Variants in BPIFC observed in about 807,000 individuals in gnomAD.
BPIFC encodes the protein BPI fold-containing family C protein.
A neutral mutation model predicts 57.6 loss-of-function variants in BPIFC; 60 were observed. The observed-to-expected ratio is 1.04, with a 90% CI of 0.85 to 1.29. The LOEUF (loss-of-function observed/expected upper bound fraction) is 1.29, where lower values mean the gene tolerates loss of function less well. Among genes scored for constraint, BPIFC ranks in the 50% most tolerant of loss-of-function variants. BPIFC has a pLI of 0.00. For missense variants in BPIFC, 581 were observed against 600.5 expected, an observed-to-expected ratio of 0.97 and a Z score of 0.34; for synonymous variants, 243 against 224.5, an observed-to-expected ratio of 1.08 and a Z score of -0.74.
At chr22:32,417,231 A>G (rs929114230) in intron 14 of BPIFC, 83 bp from the exon 15 acceptor site, 5 of 988,168 alleles carry the variant, frequency 5.1e-6, no homozygotes, top group Middle Eastern at 2.8e-4. Flanking sequence ...GCTGGAGTGC[A>G]GTAGTGTGAT....
chr22:32,452,254 A>G (rs2145960594), intron 4 of BPIFC, among the ~76,000 whole-genome samples: 1 of 152,274 alleles, frequency 6.6e-6, no homozygotes, highest in East Asian at 1.9e-4. Flanking sequence ...TGCTCAATAA[A>G]TACTTGTTGA....
chr22:32,449,363 T>C (rs192839416), intron 4 of BPIFC, among the ~76,000 whole-genome samples: 186 of 152,256 alleles, frequency 1.2e-3, no homozygotes, highest in African/African-American at 4.2e-3. Flanking sequence ...AAGAAAGGGA[T>C]TGTTGTGAAT....
intron 13 of BPIFC, among the ~76,000 whole-genome samples, chr22:32,426,756 G>A (rs1250352109): frequency 6.6e-6 from 1 of 152,056 alleles, no homozygotes; most frequent in Non-Finnish European, 1.5e-5. Flanking sequence ...GCCATGTGTG[G>A]TGGCACACGC....
intron 11 of BPIFC, 113 bp from the exon 12 acceptor site, chr22:32,432,656 G>GA (rs549467670): frequency 8.7e-5 from 87 of 997,636 alleles, no homozygotes; most frequent in East Asian, 6.1e-4. Flanking sequence ...AGTTAGAATA[G>GA]AAAAAAAGCT....
At chr22:32,428,436 T>A (rs1934135063) in intron 13 of BPIFC, among the ~76,000 whole-genome samples, 1 of 152,052 alleles carries the variant, frequency 6.6e-6, no homozygotes, top group Non-Finnish European at 1.5e-5. Context: ...GCCCGGCCTC[T>A]CATGGGCTTT....
intron 4 of BPIFC, among the ~76,000 whole-genome samples, chr22:32,450,374 G>A (rs1018912947): frequency 1.1e-3 from 169 of 152,168 alleles, no homozygotes; most frequent in African/African-American, 3.9e-3. Flanking sequence ...TAAATACACC[G>A]TATAATGTTT....
At chr22:32,447,923 T>C (rs1934776344) in intron 4 of BPIFC, among the ~76,000 whole-genome samples, 1 of 152,104 alleles carries the variant, frequency 6.6e-6, no homozygotes, top group South Asian at 2.1e-4. Context: ...AATATATTTG[T>C]AAATAATCAA....
chr22:32,435,923 C>T, intron 9 of BPIFC, 43 bp from the exon 10 acceptor site: 1 of 1,570,430 alleles, frequency 6.4e-7, no homozygotes, highest in Non-Finnish European at 8.6e-7. Flanking sequence ...CAGGTGAAAA[C>T]TCAAATTCTA....
chr22:32,434,999 A>ATGG, intron 10 of BPIFC, among the ~76,000 whole-genome samples: 1 of 151,904 alleles, frequency 6.6e-6, no homozygotes, highest in Middle Eastern at 3.2e-3. Flanking sequence ...AATAATGATG[A>ATGG]CAATGATGAT....
intron 4 of BPIFC, among the ~76,000 whole-genome samples, chr22:32,449,812 A>G (rs1237384870): frequency 4.7e-5 from 7 of 150,402 alleles, no homozygotes; most frequent in East Asian, 2.0e-4. Context: ...TCGGCTCACT[A>G]CAAGCTCCGC....
intron 11 of BPIFC, among the ~76,000 whole-genome samples, chr22:32,432,950 C>T (rs2145930593): frequency 6.6e-6 from 1 of 152,264 alleles, no homozygotes; most frequent in South Asian, 2.1e-4. Flanking sequence ...TGCCTGTAAT[C>T]CTAGCACGTT....
At chr22:32,423,577 G>GGTGGGTGTGTGT (rs1556036075) in intron 13 of BPIFC, among the ~76,000 whole-genome samples, 1 of 143,198 alleles carries the variant, frequency 7.0e-6, no homozygotes, top group African/African-American at 2.7e-5. Flanking sequence ...GTAGGGTGTG[G>GGTGGGTGTGTGT]GTGTGTGTGT....
intron 2 of BPIFC, among the ~76,000 whole-genome samples, chr22:32,459,017 C>A (rs1935102733): frequency 6.6e-6 from 1 of 152,170 alleles, no homozygotes; most frequent in South Asian, 2.1e-4. Flanking sequence ...GCACAGGTCC[C>A]AAAAGCAGCA....
chr22:32,452,505 G>A (rs565452295), intron 4 of BPIFC, among the ~76,000 whole-genome samples: 32 of 152,154 alleles, frequency 2.1e-4, no homozygotes, highest in African/African-American at 7.5e-4. Context: ...CGGGCGTGGT[G>A]GCGGGTGCCT....
chr22:32,414,053 C>CCAAA lies in BPIFC; in HGVS notation c.*246_*249dup, dbSNP rs958361704. The CCAAA allele has an allele frequency of 3.4e-5, 10 of 290,434 alleles. No homozygotes were observed. Among genetic ancestry groups the CCAAA allele is most frequent in the African/African-American group, 8.9e-5 (4 of 45,174 alleles). 18.0% of individuals were successfully genotyped at this position (290,434 alleles called of 1,614,324 possible). A position where few individuals can be genotyped will look rare whatever the true frequency, so the allele number is the denominator to read the frequency against. ...CTCTTGTCCTAGAATCTTTCTTGCC[C>CCAAA]CAAACAAACAAACAAACATAAACAC... is the stretch of plus-strand genomic sequence containing the variant. On this transcript the variant is annotated 3_prime_UTR_variant, in exon 17 of 17. Coordinates refer to ENST00000300399, the MANE Select transcript of BPIFC (RefSeq NM_174932.3).
intron 8 of BPIFC, among the ~76,000 whole-genome samples, chr22:32,440,844 A>G (rs1934546406): frequency 6.6e-6 from 1 of 152,064 alleles, no homozygotes; most frequent in Non-Finnish European, 1.5e-5. Context: ...CATTAATTGT[A>G]TGGGTCACTG....
chr22:32,414,962 A>G (rs551647531), intron 16 of BPIFC, among the ~76,000 whole-genome samples: 109 of 152,276 alleles, frequency 7.2e-4, no homozygotes, highest in African/African-American at 2.4e-3. Context: ...GAAGTGGGAG[A>G]GCATGCACGG....
In BPIFC at chr22:32,432,441, G is replaced by A; in HGVS notation, c.1081C>T (p.Pro361Ser). Reference protein sequence around the residue: ...LQPGNFTLDIPASIMMLTQPK... With the variant: ...LQPGNFTLDISASIMMLTQPK... ...TGGGTGAGCATCATGATGGAGGCAG[G>A]GATGTCCAGGGTGAAATTGCCTGGT... The change falls in exon 12 of 17, where the codon CCT becomes TCT. Residue 361 changes from proline (P) to serine (S), a missense_variant. Transcript: ENST00000300399. The A allele has an allele frequency of 1.2e-6, 2 of 1,614,104 alleles. No homozygotes were observed. Among genetic ancestry groups the A allele is most frequent in the Non-Finnish European group, 1.7e-6 (2 of 1,180,022 alleles).
chr22:32,414,539 T>A, intron 16 of BPIFC, 114 bp from the exon 17 acceptor site: 162 of 1,143,460 alleles, frequency 1.4e-4, no homozygotes, highest in Non-Finnish European at 1.8e-4. Flanking sequence ...TGAGATGGAG[T>A]CTCAAAGGCT....
Sources: gnomAD v4.1 joint callset for allele counts (sites outside exome capture counted in the v4.1 genomes callset) on GRCh38, gnomAD v4.1.1 for gene constraint, MANE v1.5 for transcripts, NCBI Gene and HGNC (gene_info 2026-07-23, HGNC 2026-07-21) for gene names.